Variants in KIAA1217 observed in about 807,000 individuals in gnomAD.
KIAA1217 encodes the protein KIAA1217, also known as sickle tail protein homolog.
Under a neutral mutation model 163.9 loss-of-function variants are expected in KIAA1217, and 88 were observed. That is an observed-to-expected ratio of 0.54 (90% CI 0.45 to 0.64). The LOEUF is 0.64. KIAA1217 is among the 30% of genes least tolerant of loss of function. The probability of loss-of-function intolerance (pLI) is 0.00; values close to 1 mark genes in which losing one functional copy is unlikely to be tolerated. For synonymous variants in KIAA1217, 903 were observed against 923.1 expected (o/e 0.98, Z 0.39); for missense variants, 2,372 against 2,475.0 (o/e 0.96, Z 0.88).
chr10:23,934,605 A>ATGTGTG lies in KIAA1217; in HGVS notation c.-320-72617_-320-72616insGTGTGT, dbSNP rs1491136109. Among the ~76,000 whole-genome samples, 3 of 74,364 alleles carry ATGTGTG rather than the reference A, an allele frequency of 4.0e-5. No individual in the cohort carries two copies. The South Asian group carries it at 1.0e-3, about 25-fold the overall frequency. The allele number at this position is 74,364 out of a possible 152,430, so 48.8% of individuals were successfully genotyped here. ...TATATATATATGTATATATATATAT[A>ATGTGTG]TGTATATATATATATATATATTTTT... On this transcript the variant is annotated intron_variant, in intron 1 of 18. Transcript: ENST00000376462.
intron 1 of KIAA1217, among the ~76,000 whole-genome samples, chr10:23,801,767 A>G (rs1836478540): frequency 6.6e-6 from 1 of 152,224 alleles, no homozygotes; most frequent in African/African-American, 2.4e-5. Context: ...TAACGTGCTT[A>G]AGGTCACATA....
intron 1 of KIAA1217, among the ~76,000 whole-genome samples, chr10:24,002,248 T>A (rs2131466895): frequency 6.6e-6 from 1 of 152,290 alleles, no homozygotes; most frequent in African/African-American, 2.4e-5. Flanking sequence ...AACTAGCAAC[T>A]TCTAGTCAGG....
chr10:24,527,107 C>T (rs1414768754), intron 13 of KIAA1217, among the ~76,000 whole-genome samples: 1 of 151,924 alleles, frequency 6.6e-6, no homozygotes, highest in Non-Finnish European at 1.5e-5. Context: ...ATGTATAACT[C>T]TCTGTTGTGG....
chr10:24,535,292 G>C (rs951400420), intron 16 of KIAA1217, among the ~76,000 whole-genome samples: 1 of 152,178 alleles, frequency 6.6e-6, no homozygotes, highest in African/African-American at 2.4e-5. Context: ...AGAGACAGGG[G>C]AGCAAACAGT....
chr10:24,335,196 A>G (rs905175020), intron 2 of KIAA1217, among the ~76,000 whole-genome samples: 1 of 152,198 alleles, frequency 6.6e-6, no homozygotes, highest in Non-Finnish European at 1.5e-5. Flanking sequence ...AATGTCCCAA[A>G]TAGGCAAACC....
At chr10:24,090,972 T>G (rs536305968) in intron 2 of KIAA1217, among the ~76,000 whole-genome samples, 1 of 151,866 alleles carries the variant, frequency 6.6e-6, no homozygotes, top group Non-Finnish European at 1.5e-5. Flanking sequence ...ATATTACACT[T>G]ATGATGGTCT....
chr10:23,821,104 CGTGTGTGTGT>C (rs3072739), intron 1 of KIAA1217, among the ~76,000 whole-genome samples: 42 of 143,220 alleles, frequency 2.9e-4, no homozygotes, highest in Non-Finnish European at 4.7e-4. Flanking sequence ...TGTGTGTGTG[CGTGTGTGTGT>C]GTGTGTGTGT....
At chr10:23,806,270 T>G (rs1836739689) in intron 1 of KIAA1217, among the ~76,000 whole-genome samples, 1 of 152,146 alleles carries the variant, frequency 6.6e-6, no homozygotes, top group South Asian at 2.1e-4. Flanking sequence ...GATAATATTC[T>G]CATAGGTTAA....
chr10:24,062,485 T>G (rs1455390178), intron 2 of KIAA1217, among the ~76,000 whole-genome samples: 1 of 151,738 alleles, frequency 6.6e-6, no homozygotes, highest in Non-Finnish European at 1.5e-5. Flanking sequence ...TTTTTATGGC[T>G]GCATAGTATT....
At chr10:24,500,389 A>AGT (rs759237855) in intron 8 of KIAA1217, among the ~76,000 whole-genome samples, 6 of 68,794 alleles carry the variant, frequency 8.7e-5, no homozygotes, top group Non-Finnish European at 1.5e-4. Context: ...ACTCCAGAAG[A>AGT]GTGTGTGCGT....
chr10:24,419,835 T>C (rs553446191), intron 3 of KIAA1217, among the ~76,000 whole-genome samples: 1 of 152,144 alleles, frequency 6.6e-6, no homozygotes, highest in Non-Finnish European at 1.5e-5. Context: ...TTGTGTGTTA[T>C]AAAGCTTTAC....
At chr10:24,124,450 G>T (rs1200624927) in intron 2 of KIAA1217, among the ~76,000 whole-genome samples, 4 of 151,388 alleles carry the variant, frequency 2.6e-5, no homozygotes, top group African/African-American at 7.3e-5. Context: ...TTCTCTTATT[G>T]ATATCATGAT....
intron 2 of KIAA1217, among the ~76,000 whole-genome samples, chr10:24,111,270 A>G (rs2062834197): frequency 6.6e-6 from 1 of 152,218 alleles, no homozygotes. Context: ...TAAAAAGGGA[A>G]TAAATAGTTT....
intron 6 of KIAA1217, among the ~76,000 whole-genome samples, chr10:24,480,974 A>G (rs1336310197): frequency 6.6e-6 from 1 of 152,224 alleles, no homozygotes; most frequent in Non-Finnish European, 1.5e-5. Flanking sequence ...TTAAAACTGC[A>G]TCTGAGCTAT....
At chr10:23,925,548 A>G (rs753175940) in intron 1 of KIAA1217, among the ~76,000 whole-genome samples, 1 of 152,198 alleles carries the variant, frequency 6.6e-6, no homozygotes, top group Non-Finnish European at 1.5e-5. Context: ...CTTTTGAAAG[A>G]CTTTTCTGAG....
chr10:24,365,853 G>A (rs1168442830), intron 2 of KIAA1217, among the ~76,000 whole-genome samples: 2 of 152,172 alleles, frequency 1.3e-5, no homozygotes, highest in Admixed American at 1.3e-4. Context: ...ATTTGTGTCT[G>A]ATGTGTGGGA....
chr10:23,958,681 G>A (rs1485934153), intron 1 of KIAA1217, among the ~76,000 whole-genome samples: 2 of 152,110 alleles, frequency 1.3e-5, no homozygotes, highest in African/African-American at 4.8e-5. Context: ...GAGAGAGTGA[G>A]AGATTGTTTG....
chr10:24,203,548 C>T (rs554945520), intron 2 of KIAA1217, among the ~76,000 whole-genome samples: 2 of 148,946 alleles, frequency 1.3e-5, no homozygotes, highest in South Asian at 2.1e-4. Context: ...CCTTCTTGCT[C>T]CCCCTACCCC....
At position 24,363,185 on chromosome 10, in the gene KIAA1217, G is replaced by A. The variant is rs557276155; in HGVS notation, c.355-17684G>A. ...ATAAATATCGCTTGTCATTCAGACCGTTTGAAGTACTGTACGTGTGTCATT... is the reference window on the plus strand; with the variant it reads ...ATAAATATCGCTTGTCATTCAGACCATTTGAAGTACTGTACGTGTGTCATT... On this transcript the variant is annotated intron_variant, in intron 2 of 20. Transcript: ENST00000376454. Among the ~76,000 whole-genome samples, 13 of 152,280 alleles carry A rather than the reference G, an allele frequency of 8.5e-5. No individual in the cohort carries two copies. In the South Asian group the frequency reaches 2.1e-3, roughly 24 times the overall value.
Sources: allele counts gnomAD v4.1 joint callset (sites outside exome capture counted in the v4.1 genomes callset), GRCh38; gene constraint gnomAD v4.1.1; transcripts MANE v1.5; gene names NCBI Gene and HGNC (gene_info 2026-07-23, HGNC 2026-07-21).